Variants in ATL1 observed in about 807,000 individuals in gnomAD.
ATL1 encodes the protein atlastin GTPase 1.
Under a neutral mutation model 75.5 loss-of-function variants are expected in ATL1, and 31 were observed. The ratio of observed to expected loss-of-function variants is 0.41; its 90% confidence interval spans 0.31 to 0.55. The LOEUF is 0.55. Ranked by LOEUF, ATL1 falls within the 20% of genes least tolerant of loss-of-function variation. The pLI is 0.27. For synonymous variants in ATL1, 226 were observed against 233.3 expected, an observed-to-expected ratio of 0.97 and a Z score of 0.28; for missense variants, 405 against 662.6, an observed-to-expected ratio of 0.61 and a Z score of 4.27.
At position 50,628,141 on chromosome 14, in the gene ATL1, G is replaced by A. The variant is rs148548325; in HGVS notation, c.1230G>A (p.Gly410=). 9.1e-4 allele frequency: 1,468 copies of A among 1,614,140 alleles called. 20 individuals are homozygous for A. The African/African-American group carries it at 0.018, about 19-fold the overall frequency. Residue 410 remains glycine (G), a synonymous_variant, in exon 12 of 14, where the codon GGG becomes GGA. Transcript: ENST00000358385. ...TCCGAGGGGTGAAGAAGATGGGTGGGGAAGAATTTAGCCGGCGTTACCTGC... is the reference window on the plus strand; with the variant it reads ...TCCGAGGGGTGAAGAAGATGGGTGGAGAAGAATTTAGCCGGCGTTACCTGC... The part of the protein sequence containing the change: ...KLFRGVKKMG[G]EEFSRRYLQQ...
chr14:50,620,706 G>T lies in ATL1; in HGVS notation c.970G>T (p.Gly324Cys). The change falls in exon 9 of 14, where the codon GGT (glycine) becomes TGT (cysteine). Residue 324 changes from glycine to cysteine, a missense_variant. Gly to Cys is a radical substitution (Grantham distance 159, BLOSUM62 -3). This residue lies in a region of ATL1 where 56 missense variants were observed against 66.6 expected (regional missense o/e 0.84). Coordinates refer to ENST00000358385, the MANE Select transcript of ATL1 (RefSeq NM_015915.5). ...CAATGGGAATAAAATCACCTGCCGG[G>T]GTCTGGTGGAGTACTTCAAGGTATC... is the stretch of plus-strand genomic sequence containing the variant. Reference protein sequence around the residue: ...EINGNKITCRGLVEYFKAYIK... With the variant: ...EINGNKITCRCLVEYFKAYIK... 2 of 1,613,498 alleles carry T rather than the reference G, an allele frequency of 1.2e-6. No individual in the cohort carries two copies. The highest frequency in any genetic ancestry group is 1.7e-6 in the Non-Finnish European group (2 of 1,179,646).
upstream of ATL1, chr14:50,559,933 G>T: frequency 1.2e-5 from 5 of 407,448 alleles, no homozygotes; most frequent in Non-Finnish European, 2.3e-5. Flanking sequence ...GTGTGTTCGA[G>T]GGGGGTGCTG....
At chr14:50,584,270 C>T (rs112954392) in intron 1 of ATL1, among the ~76,000 whole-genome samples, 4,943 of 152,052 alleles carry the variant, frequency 0.033, 257 homozygotes, top group African/African-American at 0.11. Flanking sequence ...CCCATCTACT[C>T]GGGAGGTTGA....
At chr14:50,537,544 G>A (rs111654730) in intron 1 of ATL1, among the ~76,000 whole-genome samples, 5,679 of 152,278 alleles carry the variant, frequency 0.037, 101 homozygotes, top group Middle Eastern at 0.058. Flanking sequence ...AGCTTGCACC[G>A]TGCACCTGGA....
At position 50,614,497 on chromosome 14, in the gene ATL1, A is replaced by G; in HGVS notation, c.848A>G (p.Asp283Gly). The G allele has an allele frequency of 6.2e-7, 1 of 1,613,910 alleles. No homozygotes were observed. The highest frequency in any genetic ancestry group is 8.5e-7 in the Non-Finnish European group (1 of 1,179,914). The stretch of plus-strand genomic sequence containing the variant: ...AAAGTAGCTACCAATCCAAACTTTG[A>G]TGGAAAATTGAAAGGTTTGTGTCTT... ...GLKVATNPNFDGKLKEIDDEF... is the reference protein window; with the variant it reads ...GLKVATNPNFGGKLKEIDDEF... Residue 283 changes from aspartate (D) to glycine (G), a missense_variant, in exon 8 of 14, where the codon GAT (aspartate) becomes GGT (glycine). Coordinates refer to ENST00000358385, the MANE Select transcript of ATL1 (RefSeq NM_015915.5).
chr14:50,539,903 G>A (rs1024665320), intron 1 of ATL1, among the ~76,000 whole-genome samples: 1 of 152,212 alleles, frequency 6.6e-6, no homozygotes. Flanking sequence ...GAATCTCAAG[G>A]TTTAGGGAGA....
intron 1 of ATL1, among the ~76,000 whole-genome samples, chr14:50,543,818 T>C (rs1306360955): frequency 6.6e-6 from 1 of 152,218 alleles, no homozygotes; most frequent in Non-Finnish European, 1.5e-5. Flanking sequence ...TCTACAACTT[T>C]GTCTCTATTA....
intron 1 of ATL1, among the ~76,000 whole-genome samples, chr14:50,561,624 G>A (rs2038846637): frequency 6.6e-6 from 1 of 152,118 alleles, no homozygotes. Context: ...ACAGGATACG[G>A]TAGACAAGGT....
chr14:50,548,731 C>T (rs1309864786), intron 1 of ATL1, among the ~76,000 whole-genome samples: 3 of 151,940 alleles, frequency 2.0e-5, no homozygotes, highest in Non-Finnish European at 2.9e-5. Flanking sequence ...AGGATGGTCT[C>T]GATCTCCTGA....
rs77112119 is a variant in ATL1, at chr14:50,554,121, T to A, written c.-139-6006T>A. 2.6e-5 allele frequency among the ~76,000 whole-genome samples: 4 copies of A among 151,132 alleles called. 1 individual carries two copies. The highest frequency in any genetic ancestry group is 4.2e-4 in the South Asian group (2 of 4,804). On this transcript the variant is annotated intron_variant, in intron 1 of 13. Coordinates refer to the ATL1 transcript ENST00000441560. ...AAATTTTTAAAAAGTTTTTTTTTTT[T>A]AATCCACAAAAACCAATACGTACCC...
intron 5 of ATL1, among the ~76,000 whole-genome samples, chr14:50,595,248 A>T (rs1163638300): frequency 6.6e-6 from 1 of 152,050 alleles, no homozygotes; most frequent in Non-Finnish European, 1.5e-5. Flanking sequence ...TTTGTCCCCC[A>T]CAAAAAAATT....
chr14:50,595,769 A>T, intron 6 of ATL1, 137 bp downstream of exon 6: 1 of 739,644 alleles, frequency 1.4e-6, no homozygotes, highest in Non-Finnish European at 2.3e-6. Flanking sequence ...ATGCTATTTG[A>T]TGCAATATAG....
chr14:50,594,376 G>T (rs2039192402), intron 5 of ATL1, among the ~76,000 whole-genome samples: 1 of 152,048 alleles, frequency 6.6e-6, no homozygotes, highest in South Asian at 2.1e-4. Context: ...ATGAGATTTG[G>T]GCGGGGACAC....
chr14:50,572,090 TA>T, intron 1 of ATL1: 1 of 519,968 alleles, frequency 1.9e-6, no homozygotes, highest in Non-Finnish European at 3.7e-6. Flanking sequence ...ATTTCAGTTA[TA>T]ACTTCTTGTC....
intron 1 of ATL1, among the ~76,000 whole-genome samples, chr14:50,553,309 A>G (rs1198381565): frequency 2.0e-5 from 3 of 151,938 alleles, no homozygotes; most frequent in African/African-American, 7.2e-5. Context: ...ATGAATAGAC[A>G]ATTCTTGAAA....
At chr14:50,536,466 A>G (rs1313717804) in intron 1 of ATL1, among the ~76,000 whole-genome samples, 1 of 150,440 alleles carries the variant, frequency 6.6e-6, no homozygotes, top group African/African-American at 2.4e-5. Context: ...AATTGTTACC[A>G]GTAGAGTGAG....
chr14:50,558,055 A>G (rs1487838851), upstream of ATL1, among the ~76,000 whole-genome samples: 1 of 152,252 alleles, frequency 6.6e-6, no homozygotes, highest in African/African-American at 2.4e-5. Context: ...CCATTAATTT[A>G]TAGAGGGACT....
intron 6 of ATL1, among the ~76,000 whole-genome samples, chr14:50,602,325 G>C (rs547689218): frequency 6.6e-6 from 1 of 152,106 alleles, no homozygotes; most frequent in African/African-American, 2.4e-5. Context: ...TTTCCACTCC[G>C]TCATGTGCTA....
Position 50,628,039 on chromosome 14 carries a change from T to C in ATL1, c.1128T>C (p.Gly376=), listed in dbSNP as rs774881402. The C allele has an allele frequency of 1.2e-6, 2 of 1,614,172 alleles. No homozygotes were observed. Among genetic ancestry groups the C allele is most frequent in the Non-Finnish European group, 1.7e-6 (2 of 1,180,020 alleles). Residue 376 remains glycine, a synonymous_variant, in exon 12 of 14, where the codon GGT becomes GGC. Transcript: ENST00000358385. ...TYNKKMEEIC[G]GDKPFLAPND... ...TTCTCTATCTGATACAGATTTGTGG[T>C]GGTGACAAACCATTTCTGGCCCCAA...
Sources: gnomAD v4.1 joint callset for allele counts (sites outside exome capture counted in the v4.1 genomes callset) on GRCh38, gnomAD v4.1.1 for gene constraint, gnomAD v4.1.1 regional missense constraint, MANE v1.5 for transcripts, NCBI Gene and HGNC (gene_info 2026-07-23, HGNC 2026-07-21) for gene names.